Variants in ANKRD17 observed in about 807,000 individuals in gnomAD.
ANKRD17 encodes the protein ankyrin repeat domain-containing protein 17.
A neutral mutation model predicts 229.7 loss-of-function variants in ANKRD17; 19 were observed. The ratio of observed to expected loss-of-function variants is 0.08; its 90% CI spans 0.06 to 0.12. ANKRD17 has a LOEUF of 0.12. Ranked by LOEUF, ANKRD17 falls within the 10% of genes least tolerant of loss-of-function variation. ANKRD17 has a pLI of 1.00. For synonymous variants in ANKRD17, 1,112 were observed against 1,146.1 expected (o/e 0.97, Z 0.60); for missense variants, 2,176 against 3,176.8 (o/e 0.68, Z 7.57).
At position 73,118,770 on chromosome 4, in the gene ANKRD17, A is replaced by G; in HGVS notation, c.4106T>C (p.Val1369Ala). The change falls in exon 22 of 34, where the codon GTT becomes GCT. Residue 1369 changes from valine (V) to alanine (A), a missense_variant. By Grantham distance (64) the Val-to-Ala change is moderately conservative. Coordinates refer to ENST00000358602, the MANE Select transcript of ANKRD17 (RefSeq NM_032217.5). ...LAANGGHLDVVQLLVQAGADV... is the reference protein window; with the variant it reads ...LAANGGHLDVAQLLVQAGADV... ...TGCACCTGCTTGCACCAGTAACTGA[A>G]CCACATCGAGGTGTCCACCATTTGC... 6.2e-7 allele frequency: 1 copy of G among 1,613,846 alleles called. No individual in the cohort carries two copies. The highest frequency in any genetic ancestry group is 8.5e-7 in the Non-Finnish European group (1 of 1,179,972).
chr4:73,223,452 C>T (rs916818159), intron 1 of ANKRD17, among the ~76,000 whole-genome samples: 6 of 152,094 alleles, frequency 3.9e-5, no homozygotes, highest in African/African-American at 7.2e-5. Flanking sequence ...GTATTAAAGA[C>T]GCAAAGAAGG....
intron 18 of ANKRD17, 97 bp from the exon 19 acceptor site, chr4:73,121,856 AAAG>A (rs1726776736): frequency 1.7e-6 from 2 of 1,210,918 alleles, no homozygotes; most frequent in Non-Finnish European, 1.1e-6. Flanking sequence ...CTGTACAATA[AAAG>A]AAGGGGAAAG....
intron 3 of ANKRD17, among the ~76,000 whole-genome samples, chr4:73,159,337 A>T (rs778650206): frequency 5.9e-5 from 9 of 152,136 alleles, no homozygotes; most frequent in Non-Finnish European, 1.3e-4. Flanking sequence ...TTATGCATAT[A>T]CCCTAATTTA....
chr4:73,251,439 C>A (rs748081254), intron 1 of ANKRD17, among the ~76,000 whole-genome samples: 1 of 151,814 alleles, frequency 6.6e-6, no homozygotes, highest in Non-Finnish European at 1.5e-5. Flanking sequence ...AGTGGATGGA[C>A]ATAACTGTAC....
At chr4:73,256,477 T>A (rs1462463768) in intron 1 of ANKRD17, among the ~76,000 whole-genome samples, 10 of 152,232 alleles carry the variant, frequency 6.6e-5, no homozygotes, top group African/African-American at 2.4e-4. Context: ...TTTTTCTGAA[T>A]GATATCAGGA....
At chr4:73,231,431 T>C (rs1743032152) in intron 1 of ANKRD17, among the ~76,000 whole-genome samples, 2 of 152,252 alleles carry the variant, frequency 1.3e-5, no homozygotes, top group South Asian at 2.1e-4. Context: ...TCTCAAGATA[T>C]CTGTTACCAC....
In ANKRD17 at chr4:73,156,002, A is replaced by G. The variant is rs763065327; in HGVS notation, c.852+17T>C. 16 of 1,558,672 alleles carry G rather than the reference A, an allele frequency of 1.0e-5. No individual in the cohort carries two copies. Among genetic ancestry groups the G allele is most frequent in the Non-Finnish European group, 1.4e-5 (16 of 1,158,932 alleles). ...TTTAAAAAAACAACAAATAAGCTTT[A>G]TTTTGATAATACGAACCTGTGCAAG... is the stretch of plus-strand genomic sequence containing the variant. On this transcript the variant is annotated intron_variant, in intron 4 of 33. Coordinates refer to ENST00000358602, the MANE Select transcript of ANKRD17 (RefSeq NM_032217.5).
At chr4:73,171,019 T>G (rs1049108936) in intron 2 of ANKRD17, among the ~76,000 whole-genome samples, 3 of 152,070 alleles carry the variant, frequency 2.0e-5, no homozygotes, top group Non-Finnish European at 4.4e-5. Flanking sequence ...CCCTAGGGCC[T>G]TCAGCAAACA....
intron 1 of ANKRD17, among the ~76,000 whole-genome samples, chr4:73,197,566 A>C (rs1393832541): frequency 2.0e-5 from 3 of 152,218 alleles, no homozygotes; most frequent in Non-Finnish European, 2.9e-5. Context: ...GCCATGGCTC[A>C]TGTCTGTAAT....
intron 2 of ANKRD17, among the ~76,000 whole-genome samples, chr4:73,165,884 G>C (rs1333140079): frequency 6.6e-6 from 1 of 152,154 alleles, no homozygotes; most frequent in Non-Finnish European, 1.5e-5. Context: ...TTCTACAATT[G>C]CAAGGAACTA....
chr4:73,091,531 T>C lies in ANKRD17; in HGVS notation c.6097A>G (p.Thr2033Ala), dbSNP rs749527907. ...APTNATYPMP[T>A]AKEHYPVSSP... ...GATACTGGATAGTGTTCTTTGGCAG[T>C]AGGCATAGGATATGTGGCATTTGTG... The change falls in exon 29 of 34, where the codon ACT (threonine) becomes GCT (alanine). Residue 2033 changes from threonine to alanine, a missense_variant. Coordinates refer to ENST00000358602, the MANE Select transcript of ANKRD17 (RefSeq NM_032217.5). 1 of 1,614,168 alleles carries C rather than the reference T, an allele frequency of 6.2e-7. No homozygotes were observed. Among genetic ancestry groups the C allele is most frequent in the Non-Finnish European group, 8.5e-7 (1 of 1,180,034 alleles).
At chr4:73,229,436 T>C (rs533313282) in intron 1 of ANKRD17, among the ~76,000 whole-genome samples, 26 of 152,278 alleles carry the variant, frequency 1.7e-4, no homozygotes, top group African/African-American at 2.6e-4. Flanking sequence ...GAAATCAATA[T>C]TAGTTTTAAA....
rs1237053013 is a variant in ANKRD17, at chr4:73,074,542, TAAACTA to T, written c.*1683_*1688del. On this transcript the variant is annotated 3_prime_UTR_variant, in exon 34 of 34. Coordinates refer to ENST00000358602, the MANE Select transcript of ANKRD17 (RefSeq NM_032217.5). The stretch of plus-strand genomic sequence containing the variant: ...ATTTATATATTTTAAGACCACTTCT[TAAACTA>T]AAAGATATGAGTGTACTGTTTACAA... 6.6e-6 allele frequency: 1 copy of T among 151,956 alleles called. No homozygotes were observed. The highest frequency in any genetic ancestry group is 1.5e-5 in the Non-Finnish European group (1 of 67,854). 9.4% of individuals were successfully genotyped at this position (151,956 alleles called of 1,614,324 possible). A position where few individuals can be genotyped will look rare whatever the true frequency, so the allele number is the denominator to read the frequency against.
In ANKRD17 at chr4:73,203,050, C is replaced by CA. The variant is rs375990851; in HGVS notation, c.394-25518dup. ...TGTCACAGTTAATTTAGACATTGCA[C>CA]AAAAAAAGATCAGTGAACATCAAGA... On this transcript the variant is annotated intron_variant, in intron 1 of 33. Transcript: ENST00000358602. 3.3e-5 allele frequency among the ~76,000 whole-genome samples: 5 copies of CA among 152,012 alleles called. No homozygotes were observed. The South Asian group carries it at 8.3e-4, about 25-fold the overall frequency.
At chr4:73,173,151 A>C (rs1578269578) in intron 2 of ANKRD17, among the ~76,000 whole-genome samples, 1 of 152,346 alleles carries the variant, frequency 6.6e-6, no homozygotes, top group East Asian at 1.9e-4. Context: ...AAAAAAGCGC[A>C]AGAGTAGCTA....
At chr4:73,080,070 C>A (rs1464212550) in intron 30 of ANKRD17, among the ~76,000 whole-genome samples, 2 of 152,158 alleles carry the variant, frequency 1.3e-5, no homozygotes, top group Admixed American at 6.5e-5. Context: ...CGTGTCACTG[C>A]ACTCCAGCCT....
chr4:73,194,578 G>A (rs780967325), intron 1 of ANKRD17, among the ~76,000 whole-genome samples: 2 of 152,052 alleles, frequency 1.3e-5, no homozygotes, highest in Non-Finnish European at 2.9e-5. Flanking sequence ...GAGAGGATCT[G>A]GTGGGATTTT....
Position 73,139,719 on chromosome 4 carries a change from G to A in ANKRD17, c.2897C>T (p.Ala966Val). 6.2e-7 allele frequency: 1 copy of A among 1,614,182 alleles called. No homozygotes were observed. The highest frequency in any genetic ancestry group is 8.5e-7 in the Non-Finnish European group (1 of 1,180,030). The change falls in exon 15 of 34, where the codon GCA becomes GTA. Residue 966 changes from alanine to valine, a missense_variant. Coordinates refer to ENST00000358602, the MANE Select transcript of ANKRD17 (RefSeq NM_032217.5). ...GATGGACCCTGGAGGCAAGGGACCT[G>A]CCGCCAGAGGCAAAGCTTGAGGCAT... ...LAMPQALPLA[A>V]GPLPPGSIAN...
chr4:73,174,264 C>T (rs1212455971), intron 2 of ANKRD17, among the ~76,000 whole-genome samples: 1 of 152,118 alleles, frequency 6.6e-6, no homozygotes, highest in Non-Finnish European at 1.5e-5. Flanking sequence ...ACCAGGAATG[C>T]AGAGATGGTT....
Sources: allele counts gnomAD v4.1 joint callset (sites outside exome capture counted in the v4.1 genomes callset), GRCh38; gene constraint gnomAD v4.1.1; transcripts MANE v1.5; gene names NCBI Gene and HGNC (gene_info 2026-07-23, HGNC 2026-07-21).